The following C9 variants were observed in gnomAD, a reference collection of about 807,000 sequenced individuals.
The protein encoded by C9 is complement C9.
A neutral mutation model predicts 65.4 loss-of-function variants in C9; 63 were observed. That is an observed-to-expected ratio of 0.96 (90% confidence interval 0.79 to 1.19). The LOEUF (loss-of-function observed/expected upper bound fraction) is 1.19, where lower values mean the gene tolerates loss of function less well. Among genes scored for constraint, C9 ranks in the 50% most tolerant of loss-of-function variants. The probability of loss-of-function intolerance (pLI) is 0.00; values close to 1 mark genes in which losing one functional copy is unlikely to be tolerated. For missense variants in C9, 744 were observed against 670.1 expected (o/e 1.11, Z -1.22); for synonymous variants, 229 against 227.9 (o/e 1.00, Z -0.04).
intron 5 of C9, among the ~76,000 whole-genome samples, chr5:39,328,168 G>C (rs529410811): frequency 6.6e-6 from 1 of 152,342 alleles, no homozygotes; most frequent in Admixed American, 6.5e-5. Context: ...CCTACTGAGA[G>C]AATAGGATGT....
intron 4 of C9, among the ~76,000 whole-genome samples, chr5:39,334,406 C>T (rs1412726653): frequency 2.0e-5 from 3 of 150,482 alleles, no homozygotes; most frequent in Middle Eastern, 3.3e-3. Flanking sequence ...TGAGGAGCCC[C>T]TCCGCCCGGC....
Position 39,285,122 on chromosome 5 carries a change from T to G in C9, c.*77A>C. 8.4e-7 allele frequency: 1 copy of G among 1,185,578 alleles called. No homozygotes were observed. The highest frequency in any genetic ancestry group is 2.3e-5 in the East Asian group (1 of 42,948). 73.4% of individuals were successfully genotyped at this position (1,185,578 alleles called of 1,614,324 possible). On this transcript the variant is annotated 3_prime_UTR_variant, in exon 11 of 11. Transcript: ENST00000263408. ...AGCATGTTGCTATTTACTTGGCAGC[T>G]AAGATTATCTTCAGGGGTAGGATCT...
At chr5:39,289,248 A>G (rs1753047331) in intron 9 of C9, among the ~76,000 whole-genome samples, 1 of 151,778 alleles carries the variant, frequency 6.6e-6, no homozygotes, top group Non-Finnish European at 1.5e-5. Flanking sequence ...TGTGCTTTAA[A>G]AATGAACAAC....
At chr5:39,286,428 A>G (rs781758146) in intron 10 of C9, among the ~76,000 whole-genome samples, 8 of 152,062 alleles carry the variant, frequency 5.3e-5, no homozygotes, top group Non-Finnish European at 7.4e-5. Flanking sequence ...TATATTTAAC[A>G]TGTTGAAAGC....
chr5:39,291,161 A>G (rs1579837579), intron 9 of C9, among the ~76,000 whole-genome samples: 1 of 152,076 alleles, frequency 6.6e-6, no homozygotes, highest in East Asian at 1.9e-4. Context: ...CAGACTTCAA[A>G]CAATTATCAG....
At position 39,334,421 on chromosome 5, in the gene C9, G is replaced by A. The variant is rs543030621; in HGVS notation, c.477-2607C>T. Among the ~76,000 whole-genome samples, 207 of 146,224 alleles carry A rather than the reference G, an allele frequency of 1.4e-3. 4 individuals carry two copies. Among genetic ancestry groups the A allele is most frequent in the East Asian group, 9.1e-3 (43 of 4,722 alleles). On this transcript the variant is annotated intron_variant, in intron 4 of 10. Coordinates refer to ENST00000263408, the MANE Select transcript of C9 (RefSeq NM_001737.5). ...TGAGGAGCCCCTCCGCCCGGCAGCC[G>A]CCCCGTCTGAGAAGTGAGGAGCCCC...
rs148389506 is a variant in C9, at chr5:39,315,993, C to T, written c.652G>A (p.Glu218Lys). Reference sequence around the variant, plus strand: ...CTTTTAAATGCTTCAATTTGTTCTTCGTAATGTTCGGTTCTGAAATTTTTC... The same window carrying T: ...CTTTTAAATGCTTCAATTTGTTCTTTGTAATGTTCGGTTCTGAAATTTTTC... Reference protein sequence around the residue: ...GEKNFRTEHYEEQIEAFKSII... With the variant: ...GEKNFRTEHYKEQIEAFKSII... Residue 218 changes from glutamate (E) to lysine (K), a missense_variant, in exon 6 of 11, where the codon GAA (glutamate) becomes AAA (lysine). Coordinates refer to ENST00000263408, the MANE Select transcript of C9 (RefSeq NM_001737.5). 1,244 of 1,612,172 alleles carry T rather than the reference C, an allele frequency of 7.7e-4. 9 individuals are homozygous for T. Among genetic ancestry groups the T allele is most frequent in the Non-Finnish European group, 2.1e-4 (249 of 1,178,892 alleles).
At chr5:39,307,388 G>A (rs1753401099) in intron 8 of C9, among the ~76,000 whole-genome samples, 1 of 152,128 alleles carries the variant, frequency 6.6e-6, no homozygotes, top group South Asian at 2.1e-4. Flanking sequence ...CATTTTTATA[G>A]AAGAGAAATT....
rs141761252 is a variant in C9 at position 39,295,159 on chromosome 5, C to T, written c.1417-6208G>A. Among the ~76,000 whole-genome samples the T allele has an allele frequency of 9.9e-4, 150 of 151,644 alleles. 1 individual carries two copies. The highest frequency in any genetic ancestry group is 3.5e-3 in the African/African-American group (144 of 41,482). On this transcript the variant is annotated intron_variant, in intron 9 of 10. Coordinates refer to ENST00000263408, the MANE Select transcript of C9 (RefSeq NM_001737.5). ...CCCTCTAAGAACTGAAACAAAGATGCCCACTCTCACCACTCTTATTTAACA... is the reference window on the plus strand; with the variant it reads ...CCCTCTAAGAACTGAAACAAAGATGTCCACTCTCACCACTCTTATTTAACA...
At chr5:39,343,268 C>T (rs1754124660) in intron 1 of C9, among the ~76,000 whole-genome samples, 1 of 152,128 alleles carries the variant, frequency 6.6e-6, no homozygotes, top group South Asian at 2.1e-4. Flanking sequence ...CAGGGAATTC[C>T]CTTTCCTACC....
At position 39,321,861 on chromosome 5, in the gene C9, T is replaced by A. The variant is rs1043254302; in HGVS notation, c.616-5832A>T. 2.0e-5 allele frequency among the ~76,000 whole-genome samples: 3 copies of A among 152,166 alleles called. No individual in the cohort carries two copies. The South Asian group carries it at 6.2e-4, about 32-fold the overall frequency. ...AGCACCTAAATGTATAAAGTAAATG[T>A]TAATAGATCTGAAAGGAGAGACAAA... On this transcript the variant is annotated intron_variant, in intron 5 of 10. Coordinates refer to ENST00000263408, the MANE Select transcript of C9 (RefSeq NM_001737.5).
chr5:39,292,211 C>T lies in C9; in HGVS notation c.1417-3260G>A, dbSNP rs552680473. Among the ~76,000 whole-genome samples the T allele has an allele frequency of 2.6e-5, 4 of 151,324 alleles. No individual in the cohort carries two copies. The East Asian group carries it at 5.8e-4, about 22-fold the overall frequency. ...AAAGATTAAAATGAAATCTTCAAGG[C>T]GATGACAACAAAGGGAAATGCTACA... On this transcript the variant is annotated intron_variant, in intron 9 of 10. Coordinates refer to ENST00000263408, the MANE Select transcript of C9 (RefSeq NM_001737.5).
intron 9 of C9, among the ~76,000 whole-genome samples, chr5:39,299,548 G>A (rs1203800581): frequency 6.6e-6 from 1 of 152,130 alleles, no homozygotes. Context: ...GAATGTCGAT[G>A]TGTGAATGTG....
chr5:39,301,332 G>C (rs248346), intron 9 of C9, among the ~76,000 whole-genome samples: 55,250 of 151,734 alleles, frequency 0.36, 11,382 homozygotes, highest in East Asian at 0.56. Flanking sequence ...ATAACAGATT[G>C]GGAGACAGTA....
intron 8 of C9, among the ~76,000 whole-genome samples, chr5:39,307,845 GT>G (rs1753408002): frequency 6.6e-6 from 1 of 152,156 alleles, no homozygotes; most frequent in Non-Finnish European, 1.5e-5. Flanking sequence ...TGGGGAAATG[GT>G]TTTGGCCTTG....
chr5:39,315,263 A>T (rs1240087489), intron 6 of C9, among the ~76,000 whole-genome samples: 1 of 152,180 alleles, frequency 6.6e-6, no homozygotes, highest in Non-Finnish European at 1.5e-5. Flanking sequence ...AGAGTGGTAG[A>T]ACAAACTTCA....
intron 5 of C9, among the ~76,000 whole-genome samples, chr5:39,321,559 TG>T (rs1347830734): frequency 6.6e-6 from 1 of 151,942 alleles, no homozygotes; most frequent in African/African-American, 2.4e-5. Flanking sequence ...AAAATGGCAG[TG>T]GTAAGTCCTT....
chr5:39,312,933 T>C (rs1579851332), intron 6 of C9, among the ~76,000 whole-genome samples: 2 of 152,190 alleles, frequency 1.3e-5, no homozygotes, highest in Admixed American at 1.3e-4. Context: ...TTATAGGTCA[T>C]ATGAGCTCTT....
At chr5:39,320,362 A>G (rs577092157) in intron 5 of C9, among the ~76,000 whole-genome samples, 3 of 152,336 alleles carry the variant, frequency 2.0e-5, no homozygotes, top group Non-Finnish European at 2.9e-5. Flanking sequence ...GTTAAAGAAC[A>G]TAATTAGGGA....
Sources: allele counts gnomAD v4.1 joint callset (sites outside exome capture counted in the v4.1 genomes callset), GRCh38; gene constraint gnomAD v4.1.1; transcripts MANE v1.5; gene names NCBI Gene and HGNC (gene_info 2026-07-23, HGNC 2026-07-21).